The following SLC20A2 variants were observed in gnomAD, a reference collection of about 807,000 sequenced individuals.
SLC20A2 encodes the protein solute carrier family 20 member 2.
A neutral mutation model predicts 61.0 loss-of-function variants in SLC20A2; 30 were observed. That is an observed-to-expected ratio of 0.49 (90% CI 0.37 to 0.67). The LOEUF (loss-of-function observed/expected upper bound fraction) is 0.67, where lower values mean the gene tolerates loss of function less well. Ranked by LOEUF, SLC20A2 falls within the 30% of genes least tolerant of loss-of-function variation. The pLI is 0.00. For missense variants in SLC20A2, 626 were observed against 866.4 expected, an observed-to-expected ratio of 0.72 and a Z score of 3.48; for synonymous variants, 351 against 353.3, an observed-to-expected ratio of 0.99 and a Z score of 0.07.
intron 1 of SLC20A2, among the ~76,000 whole-genome samples, chr8:42,482,263 T>G (rs1808606116): frequency 6.6e-6 from 1 of 152,206 alleles, no homozygotes; most frequent in African/African-American, 2.4e-5. Context: ...TTATTTTCCT[T>G]TTACATTTAC....
At chr8:42,489,698 C>T (rs542704209) in intron 1 of SLC20A2, among the ~76,000 whole-genome samples, 7 of 152,286 alleles carry the variant, frequency 4.6e-5, no homozygotes, top group South Asian at 2.1e-4. Flanking sequence ...TAGTCTAACT[C>T]GCTAGGGATC....
chr8:42,538,725 C>T (rs1445537062), intron 1 of SLC20A2, among the ~76,000 whole-genome samples: 1 of 152,240 alleles, frequency 6.6e-6, no homozygotes, highest in Non-Finnish European at 1.5e-5. Flanking sequence ...ATGAGAAACG[C>T]TTGTCTTCCT....
At chr8:42,510,410 C>T (rs1455020384) in intron 1 of SLC20A2, among the ~76,000 whole-genome samples, 1 of 152,170 alleles carries the variant, frequency 6.6e-6, no homozygotes, top group Non-Finnish European at 1.5e-5. Flanking sequence ...TGCTAAACTG[C>T]TAATCATAAA....
chr8:42,419,049 T>C (rs1004016863), intron 10 of SLC20A2, among the ~76,000 whole-genome samples: 2 of 150,946 alleles, frequency 1.3e-5, no homozygotes, highest in Non-Finnish European at 3.0e-5. Context: ...AAATCGACTG[T>C]AGTTAACAGG....
intron 8 of SLC20A2, among the ~76,000 whole-genome samples, chr8:42,433,873 G>A (rs896946644): frequency 4.6e-5 from 7 of 152,132 alleles, no homozygotes; most frequent in South Asian, 4.2e-4. Context: ...ATGTATACCC[G>A]GAAGCAGGAA....
At chr8:42,538,898 T>A (rs986511340) in intron 1 of SLC20A2, among the ~76,000 whole-genome samples, 1 of 152,076 alleles carries the variant, frequency 6.6e-6, no homozygotes, top group Non-Finnish European at 1.5e-5. Flanking sequence ...AAAAAGCACA[T>A]AGGCCAGACA....
chr8:42,485,983 TG>T (rs1808973249), intron 1 of SLC20A2, among the ~76,000 whole-genome samples: 1 of 151,838 alleles, frequency 6.6e-6, no homozygotes, highest in East Asian at 1.9e-4. Flanking sequence ...CTAGAGAGAT[TG>T]TTTCAAGGTC....
chr8:42,533,654 C>CTTTTTTTCTT lies in SLC20A2; in HGVS notation c.-265+8166_-265+8167insAAGAAAAAAA, dbSNP rs1253260874. ...TTAATGGCCTTAATGATCAACTGTT[C>CTTTTTTTCTT]TTTTTTTTTTTTTTTTTTTTTTGAG... On this transcript the variant is annotated intron_variant, in intron 1 of 10. Transcript: ENST00000342228. Among the ~76,000 whole-genome samples the CTTTTTTTCTT allele has an allele frequency of 9.9e-4, 55 of 55,288 alleles. 4 individuals are homozygous for CTTTTTTTCTT. The highest frequency in any genetic ancestry group is 0.013 in the Middle Eastern group (1 of 80). The allele number at this position is 55,288 out of a possible 152,430, so 36.3% of individuals were successfully genotyped here. A position where few individuals can be genotyped will look rare whatever the true frequency, so the allele number is the denominator to read the frequency against.
chr8:42,490,072 TTGAC>T (rs1454890352), intron 1 of SLC20A2, among the ~76,000 whole-genome samples: 1 of 152,206 alleles, frequency 6.6e-6, no homozygotes, highest in Non-Finnish European at 1.5e-5. Flanking sequence ...TGGATTCAAT[TTGAC>T]TGCTTGAGTT....
At chr8:42,491,636 A>C (rs1407865279) in intron 1 of SLC20A2, among the ~76,000 whole-genome samples, 2 of 151,610 alleles carry the variant, frequency 1.3e-5, no homozygotes, top group Non-Finnish European at 2.9e-5. Context: ...GCACCACTGC[A>C]CTCCAGCCTG....
intron 5 of SLC20A2, among the ~76,000 whole-genome samples, 166 bp downstream of exon 5, chr8:42,459,730 C>T (rs887344964): frequency 6.6e-6 from 1 of 152,150 alleles, no homozygotes; most frequent in African/African-American, 2.4e-5. Flanking sequence ...TCTATAATGA[C>T]CATGAGTAAC....
At chr8:42,428,655 C>T in intron 10 of SLC20A2, 103 bp downstream of exon 10, 1 of 972,046 alleles carries the variant, frequency 1.0e-6, no homozygotes, top group Non-Finnish European at 1.5e-6. Flanking sequence ...CTGCATTTTG[C>T]ACAACCATCT....
intron 7 of SLC20A2, among the ~76,000 whole-genome samples, chr8:42,438,221 C>T (rs1804500545): frequency 6.6e-6 from 1 of 152,108 alleles, no homozygotes; most frequent in Admixed American, 6.6e-5. Context: ...GAAACCAACA[C>T]AAGGAGAATC....
At chr8:42,538,375 T>C (rs1812842639) in intron 1 of SLC20A2, 1 of 151,948 alleles carries the variant, frequency 6.6e-6, no homozygotes, top group Non-Finnish European at 1.5e-5. Context: ...GGAAACAAAA[T>C]ACATGAAACA....
At chr8:42,440,119 A>G (rs934147318) in intron 6 of SLC20A2, among the ~76,000 whole-genome samples, 21 of 151,950 alleles carry the variant, frequency 1.4e-4, no homozygotes, top group Non-Finnish European at 4.4e-5. Flanking sequence ...AAAGAAAGTC[A>G]AAAGTTCAAT....
chr8:42,533,654 CTTTTTT>C lies in SLC20A2; in HGVS notation c.-265+8161_-265+8166del, dbSNP rs1162369065. Among the ~76,000 whole-genome samples, 8 of 55,310 alleles carry C rather than the reference CTTTTTT, an allele frequency of 1.4e-4. 1 individual carries two copies. The highest frequency in any genetic ancestry group is 6.5e-4 in the African/African-American group (8 of 12,370). The allele number at this position is 55,310 out of a possible 152,430, so 36.3% of individuals were successfully genotyped here. A position where few individuals can be genotyped will look rare whatever the true frequency, so the allele number is the denominator to read the frequency against. ...TTAATGGCCTTAATGATCAACTGTT[CTTTTTT>C]TTTTTTTTTTTTTTTTGAGACGGGA... On this transcript the variant is annotated intron_variant, in intron 1 of 10. Coordinates refer to the SLC20A2 transcript ENST00000342228.
intron 5 of SLC20A2, among the ~76,000 whole-genome samples, chr8:42,455,694 T>C (rs1199476617): frequency 1.3e-5 from 2 of 152,124 alleles, no homozygotes; most frequent in Admixed American, 1.3e-4. Flanking sequence ...TTTATTATCA[T>C]TAACTGCTAT....
intron 1 of SLC20A2, among the ~76,000 whole-genome samples, chr8:42,483,127 C>G (rs1319925366): frequency 6.6e-6 from 1 of 152,164 alleles, no homozygotes; most frequent in Non-Finnish European, 1.5e-5. Flanking sequence ...GGGTGGATCA[C>G]TTGAGGTCAG....
chr8:42,436,681 G>A (rs1431680299), intron 8 of SLC20A2, among the ~76,000 whole-genome samples: 1 of 152,168 alleles, frequency 6.6e-6, no homozygotes, highest in African/African-American at 2.4e-5. Context: ...GACTGCACCT[G>A]CCGTCCTGCT....
Sources: allele counts gnomAD v4.1 joint callset (sites outside exome capture counted in the v4.1 genomes callset), GRCh38; gene constraint gnomAD v4.1.1; transcripts MANE v1.5; gene names NCBI Gene and HGNC (gene_info 2026-07-23, HGNC 2026-07-21).